Variants in NME9 observed in about 807,000 individuals in gnomAD.
The protein encoded by NME9 is NME/NM23 family member 9.
A neutral mutation model predicts 44.4 loss-of-function variants in NME9; 48 were observed. That is an observed-to-expected ratio of 1.08 (90% CI 0.86 to 1.37). The LOEUF (loss-of-function observed/expected upper bound fraction) is 1.37, where lower values mean the gene tolerates loss of function less well. Ranked by LOEUF, NME9 falls within the 40% of genes most tolerant of loss-of-function variation. The pLI, the probability that NME9 is intolerant of heterozygous loss-of-function variation, is 0.00. For synonymous variants in NME9, 139 were observed against 147.1 expected (o/e 0.94, Z 0.40); for missense variants, 325 against 405.2 (o/e 0.80, Z 1.70).
At chr3:138,317,171 CTG>C (rs1292912972) in intron 4 of NME9, among the ~76,000 whole-genome samples, 1 of 152,246 alleles carries the variant, frequency 6.6e-6, no homozygotes, top group Non-Finnish European at 1.5e-5. Context: ...ATGCTCATCT[CTG>C]AGCTCCTTCC....
At chr3:138,300,172 C>T (rs116673772), downstream of NME9, among the ~76,000 whole-genome samples, 292 of 152,254 alleles carry the variant, frequency 1.9e-3, 3 homozygotes, top group African/African-American at 6.0e-3. Flanking sequence ...GTACAGGTTC[C>T]GATGAGCACT....
intron 8 of NME9, among the ~76,000 whole-genome samples, chr3:138,286,865 G>A (rs1018289081): frequency 3.4e-4 from 51 of 152,036 alleles, no homozygotes; most frequent in African/African-American, 1.1e-3. Flanking sequence ...TTACATATCC[G>A]CCTGCCCTTT....
At chr3:138,269,330 T>C (rs963599445) in intron 8 of NME9, among the ~76,000 whole-genome samples, 3 of 152,218 alleles carry the variant, frequency 2.0e-5, no homozygotes, top group African/African-American at 7.2e-5. Context: ...TGGTAAATCT[T>C]AATCCTCTAA....
At chr3:138,310,337 A>G (rs1302668232) in intron 6 of NME9, among the ~76,000 whole-genome samples, 1 of 151,700 alleles carries the variant, frequency 6.6e-6, no homozygotes, top group Non-Finnish European at 1.5e-5. Context: ...GGGGACTTCA[A>G]CACCCTACTG....
intron 8 of NME9, chr3:138,263,439 T>G (rs1051347594): frequency 6.5e-6 from 2 of 305,472 alleles, no homozygotes. Flanking sequence ...TTTCTCAAGA[T>G]TATTTACATA....
At position 138,315,570 on chromosome 3, in the gene NME9, T is replaced by A. The variant is rs979685118; in HGVS notation, c.341A>T (p.Glu114Val). 6.5e-7 allele frequency: 1 copy of A among 1,536,664 alleles called. No homozygotes were observed. ...TTCAGCCAGCACTTTCTTTTCGGCC[T>A]CCAGCTGGTCTAGGATGGTTTTCTG... ...LLQKTILDQL[E>V]AEKKVLAEGR... The change falls in exon 5 of 11, where the codon GAG (glutamate) becomes GTG (valine). Residue 114 changes from glutamate to valine, a missense_variant. Coordinates refer to ENST00000333911, the MANE Select transcript of NME9 (RefSeq NM_001349018.2).
At chr3:138,311,599 T>C (rs183404393) in intron 6 of NME9, among the ~76,000 whole-genome samples, 4 of 152,312 alleles carry the variant, frequency 2.6e-5, no homozygotes, top group Admixed American at 2.0e-4. Context: ...AATCAATAAA[T>C]GTGATTCATC....
chr3:138,267,005 A>G (rs1560016843), intron 8 of NME9: 1 of 484,624 alleles, frequency 2.1e-6, no homozygotes, highest in Admixed American at 3.9e-5. Flanking sequence ...AAAGTTTGAC[A>G]CAGTATCAAG....
intron 2 of NME9, among the ~76,000 whole-genome samples, chr3:138,320,206 T>G (rs1460382981): frequency 6.6e-6 from 1 of 152,230 alleles, no homozygotes; most frequent in Non-Finnish European, 1.5e-5. Flanking sequence ...CCCTCTCATC[T>G]GAGTGTTGTG....
intron 8 of NME9, among the ~76,000 whole-genome samples, chr3:138,283,530 G>A (rs980273519): frequency 6.6e-6 from 1 of 152,202 alleles, no homozygotes; most frequent in Non-Finnish European, 1.5e-5. Flanking sequence ...CAAAGTCAGG[G>A]AGTGTGTTTT....
At chr3:138,282,118 G>T (rs375998878) in intron 8 of NME9, among the ~76,000 whole-genome samples, 67 of 152,284 alleles carry the variant, frequency 4.4e-4, no homozygotes, top group African/African-American at 1.6e-3. Context: ...CTGCATTTTG[G>T]TTTTGTCTTA....
At chr3:138,281,536 C>T (rs1197687892) in intron 8 of NME9, among the ~76,000 whole-genome samples, 2 of 152,088 alleles carry the variant, frequency 1.3e-5, no homozygotes, top group Non-Finnish European at 2.9e-5. Context: ...CGTAATCCAC[C>T]CGCTTTGGTC....
chr3:138,322,088 A>G (rs1253627143), intron 2 of NME9, among the ~76,000 whole-genome samples: 2 of 151,962 alleles, frequency 1.3e-5, no homozygotes, highest in Admixed American at 6.6e-5. Flanking sequence ...TTTAATTTCA[A>G]CCTACTACAG....
At position 138,329,704 on chromosome 3, in the gene NME9, G is replaced by C; in HGVS notation, c.-369C>G. On this transcript the variant is annotated 5_prime_UTR_variant, in exon 1 of 11. Coordinates refer to ENST00000333911, the MANE Select transcript of NME9 (RefSeq NM_001349018.2). The stretch of plus-strand genomic sequence containing the variant: ...ACAGGGTCGCCAGTCGAGGAATTCT[G>C]ACAAAAAAACGACATGGGACCCTGT... 38 of 1,089,900 alleles carry C rather than the reference G, an allele frequency of 3.5e-5. No individual in the cohort carries two copies. Among genetic ancestry groups the C allele is most frequent in the East Asian group, 2.8e-4 (4 of 14,352 alleles). The allele number at this position is 1,089,900 out of a possible 1,614,324, so 67.5% of individuals were successfully genotyped here. A position where few individuals can be genotyped will look rare whatever the true frequency, so the allele number is the denominator to read the frequency against.
At chr3:138,281,169 AGTT>A (rs936084606) in intron 8 of NME9, among the ~76,000 whole-genome samples, 1 of 151,998 alleles carries the variant, frequency 6.6e-6, no homozygotes, top group African/African-American at 2.4e-5. Flanking sequence ...CTTGATTTCC[AGTT>A]GTTCATATTA....
At chr3:138,328,745 C>T (rs77141521) in intron 1 of NME9, among the ~76,000 whole-genome samples, 5,376 of 152,226 alleles carry the variant, frequency 0.035, 303 homozygotes, top group African/African-American at 0.12. Flanking sequence ...CTTCTGAATT[C>T]ACTTGTCCCA....
chr3:138,319,674 A>C, intron 2 of NME9, 93 bp from the exon 3 acceptor site: 4 of 686,330 alleles, frequency 5.8e-6, no homozygotes, highest in Non-Finnish European at 1.1e-5. Context: ...CCCCCCTCAA[A>C]TGGACATTCA....
downstream of NME9, chr3:138,296,497 A>G (rs932834530): frequency 6.6e-6 from 1 of 152,190 alleles, no homozygotes; most frequent in African/African-American, 2.4e-5. Context: ...TAAGTAAAAA[A>G]TATATGCATT....
chr3:138,273,220 T>C, intron 8 of NME9: 2 of 1,192,742 alleles, frequency 1.7e-6, no homozygotes, highest in Non-Finnish European at 2.3e-6. Flanking sequence ...ATGAGTGTGA[T>C]TCAAATGCTG....
Sources: gnomAD v4.1 joint callset for allele counts (sites outside exome capture counted in the v4.1 genomes callset) on GRCh38, gnomAD v4.1.1 for gene constraint, MANE v1.5 for transcripts, NCBI Gene and HGNC (gene_info 2026-07-23, HGNC 2026-07-21) for gene names.